WDR46: variants seen among roughly 807,000 people sequenced by gnomAD.
WDR46 encodes the protein WD repeat-containing protein 46.
A neutral mutation model predicts 74.7 loss-of-function variants in WDR46; 58 were observed. The observed-to-expected ratio is 0.78, with a 90% CI of 0.63 to 0.97. The LOEUF is 0.97. Ranked by LOEUF, WDR46 falls within the 50% of genes least tolerant of loss-of-function variation. The probability of loss-of-function intolerance (pLI) is 0.00; values close to 1 mark genes in which losing one functional copy is unlikely to be tolerated. For missense variants in WDR46, 702 were observed against 790.1 expected (o/e 0.89, Z 1.34); for synonymous variants, 278 against 297.3 (o/e 0.93, Z 0.67).
intron 10 of WDR46, among the ~76,000 whole-genome samples, chr6:33,282,293 A>T (rs1265674023): frequency 6.6e-6 from 1 of 152,242 alleles, no homozygotes; most frequent in Non-Finnish European, 1.5e-5. Context: ...AGAGAGGACC[A>T]GCTGGATACT....
intron 12 of WDR46, among the ~76,000 whole-genome samples, chr6:33,280,120 G>C (rs1766005978): frequency 6.7e-6 from 1 of 149,076 alleles, no homozygotes. Context: ...CCAGGAGAGG[G>C]AATTTCACCC....
Position 33,288,234 on chromosome 6 carries a change from A to C in WDR46, c.475T>G (p.Phe159Val). 6.2e-7 allele frequency: 1 copy of C among 1,614,120 alleles called. No individual in the cohort carries two copies. The highest frequency in any genetic ancestry group is 8.5e-7 in the Non-Finnish European group (1 of 1,180,012). ...SELLLAEEPG[F>V]LEGEDGEDTA... is the part of the protein sequence containing the mutation. ...TCTTCCCCATCCTCCCCTTCCAGAAACCTGAAAGCAAGGGTTAGGATGGCA... is the reference window on the plus strand; with the variant it reads ...TCTTCCCCATCCTCCCCTTCCAGAACCCTGAAAGCAAGGGTTAGGATGGCA... The change falls in exon 5 of 15, where the codon TTT becomes GTT. Residue 159 changes from phenylalanine (F) to valine (V), a missense_variant and splice_region_variant. Coordinates refer to ENST00000374617, the MANE Select transcript of WDR46 (RefSeq NM_005452.6).
chr6:33,286,496 C>A (rs1159986302), intron 10 of WDR46, among the ~76,000 whole-genome samples: 1 of 152,120 alleles, frequency 6.6e-6, no homozygotes, highest in Non-Finnish European at 1.5e-5. Flanking sequence ...TAAATGCCTA[C>A]ATGGTACCCT....
rs1562614853 is a variant in WDR46 at position 33,280,738 on chromosome 6, G to A, written c.1365C>T (p.Phe455=). The part of the protein sequence containing the change: ...RLSGPVHGLQ[F]CPFEDVLGVG... Reference sequence around the variant, plus strand: ...CCCCCAGCACATCTTCAAAGGGGCAGAACTGAAGGCCATGCACAGGGCCTG... The same window carrying A: ...CCCCCAGCACATCTTCAAAGGGGCAAAACTGAAGGCCATGCACAGGGCCTG... Residue 455 remains phenylalanine (F), a synonymous_variant, in exon 11 of 15, where the codon TTC becomes TTT. Coordinates refer to ENST00000374617, the MANE Select transcript of WDR46 (RefSeq NM_005452.6). 1 of 1,610,880 alleles carries A rather than the reference G, an allele frequency of 6.2e-7. No individual in the cohort carries two copies. The highest frequency in any genetic ancestry group is 1.1e-5 in the South Asian group (1 of 90,694).
In WDR46 at chr6:33,280,749, C is replaced by T. The variant is rs572889895; in HGVS notation, c.1354G>A (p.Gly452Ser). Residue 452 changes from glycine (G) to serine (S), a missense_variant, in exon 11 of 15, where the codon GGC becomes AGC. Gly to Ser is a moderately conservative substitution (Grantham distance 56, BLOSUM62 0). Coordinates refer to ENST00000374617, the MANE Select transcript of WDR46 (RefSeq NM_005452.6). The stretch of plus-strand genomic sequence containing the variant: ...TCTTCAAAGGGGCAGAACTGAAGGC[C>T]ATGCACAGGGCCTGAGAGCCGGTGG... ...LTHRLSGPVH[G>S]LQFCPFEDVL... 3 of 1,612,864 alleles carry T rather than the reference C, an allele frequency of 1.9e-6. No homozygotes were observed. The highest frequency in any genetic ancestry group is 1.7e-6 in the Non-Finnish European group (2 of 1,179,322).
intron 12 of WDR46, 88 bp from the exon 13 acceptor site, chr6:33,279,947 T>C (rs1325895534): frequency 7.7e-7 from 1 of 1,291,340 alleles, no homozygotes; most frequent in African/African-American, 1.5e-5. Flanking sequence ...GCTGAACCCC[T>C]CTACCCAAGA....
chr6:33,281,497 A>C (rs958096189), intron 10 of WDR46, among the ~76,000 whole-genome samples: 1 of 152,186 alleles, frequency 6.6e-6, no homozygotes, highest in African/African-American at 2.4e-5. Flanking sequence ...AAATGCATTA[A>C]CACCAGAGTG....
intron 14 of WDR46, 36 bp from the exon 15 acceptor site, chr6:33,279,410 G>C (rs1765917820): frequency 2.5e-6 from 4 of 1,612,116 alleles, no homozygotes; most frequent in Non-Finnish European, 8.5e-7. Context: ...CAGGCACAGA[G>C]TGAGAAGTGG....
chr6:33,281,003 G>T lies in WDR46; in HGVS notation c.1116-16C>A. 1 of 1,577,358 alleles carries T rather than the reference G, an allele frequency of 6.3e-7. No individual in the cohort carries two copies. Among genetic ancestry groups the T allele is most frequent in the Non-Finnish European group, 8.6e-7 (1 of 1,159,692 alleles). On this transcript the variant is annotated splice_polypyrimidine_tract_variant and intron_variant, in intron 10 of 14. Coordinates refer to ENST00000374617, the MANE Select transcript of WDR46 (RefSeq NM_005452.6). ...GGCCATGTACCTGGTGAGAGAAGAG[G>T]GATCAATTAATATGTCAGTAAATGG...
intron 11 of WDR46, 42 bp downstream of exon 11, chr6:33,280,632 C>G (rs930244220): frequency 6.3e-7 from 1 of 1,595,088 alleles, no homozygotes; most frequent in Non-Finnish European, 8.6e-7. Context: ...AACTTCCACC[C>G]AGAGTTCATT....
At chr6:33,281,738 CCT>C (rs1176252769) in intron 10 of WDR46, among the ~76,000 whole-genome samples, 1 of 152,206 alleles carries the variant, frequency 6.6e-6, no homozygotes, top group Admixed American at 6.5e-5. Context: ...TTGCCCTGCC[CCT>C]CTGTGTGCTT....
intron 11 of WDR46, 45 bp downstream of exon 11, chr6:33,280,629 A>G (rs1416308542): frequency 1.3e-6 from 2 of 1,594,384 alleles, no homozygotes; most frequent in Non-Finnish European, 1.7e-6. Context: ...CCAAACTTCC[A>G]CCCAGAGTTC....
rs1767002189 is a variant in WDR46, at chr6:33,288,999, G to A, written c.84C>T (p.Tyr28=). ...TGGTCGGAACGGTCTCTTCCTCCCA[G>A]TATCGCCGCGGTTTCTACAGGCACA... is the stretch of plus-strand genomic sequence containing the variant. ...LQTKRKKPRR[Y]WEEETVPTTA... The change falls in exon 2 of 15, where the codon TAC becomes TAT. Residue 28 remains tyrosine (Y), a synonymous_variant. Transcript: ENST00000374617. 6.2e-7 allele frequency: 1 copy of A among 1,613,914 alleles called. No homozygotes were observed. Among genetic ancestry groups the A allele is most frequent in the Non-Finnish European group, 8.5e-7 (1 of 1,180,014 alleles).
At chr6:33,281,297 G>T in intron 10 of WDR46, among the ~76,000 whole-genome samples, 1 of 152,248 alleles carries the variant, frequency 6.6e-6, no homozygotes, top group South Asian at 2.1e-4. Flanking sequence ...CAAGACACGG[G>T]CGTCAAAAGG....
chr6:33,285,694 T>G (rs913607189), intron 10 of WDR46, among the ~76,000 whole-genome samples: 1 of 152,054 alleles, frequency 6.6e-6, no homozygotes, highest in South Asian at 2.1e-4. Context: ...CGGCTAATTT[T>G]GTGAATTTTT....
Position 33,279,360 on chromosome 6 carries a change from C to G in WDR46, c.1749G>C (p.Gln583His). The change falls in exon 15 of 15, where the codon CAG becomes CAC. Residue 583 changes from glutamine to histidine, a missense_variant. Coordinates refer to ENST00000374617, the MANE Select transcript of WDR46 (RefSeq NM_005452.6). ...CCTTATGATGCTGCTGCTGAAGGCT[C>G]TGCCGGACCTTGTCCTGGGGACCGG... ...MDEEHRDKVR[Q>H]SLQQQHHKEA... 4 of 1,614,074 alleles carry G rather than the reference C, an allele frequency of 2.5e-6. No homozygotes were observed. Among genetic ancestry groups the G allele is most frequent in the Non-Finnish European group, 3.4e-6 (4 of 1,180,048 alleles).
At chr6:33,280,564 C>G in intron 11 of WDR46, 42 bp from the exon 12 acceptor site, 4 of 1,600,922 alleles carry the variant, frequency 2.5e-6, no homozygotes, top group Non-Finnish European at 3.4e-6. Flanking sequence ...TAAGGAAGAA[C>G]CTCAGTCCAA....
intron 12 of WDR46, among the ~76,000 whole-genome samples, 177 bp downstream of exon 12, chr6:33,280,251 A>G (rs758017206): frequency 6.9e-6 from 1 of 144,566 alleles, no homozygotes; most frequent in Non-Finnish European, 1.5e-5. Flanking sequence ...AGGAAACCTT[A>G]CCTTCTCCAG....
Position 33,287,722 on chromosome 6 carries a change from T to C in WDR46, c.624-4A>G, listed in dbSNP as rs773441642. ...GCGCCCTCCAAAAGCCAGGTGTCTG[T>C]TGGAGGTGAGGGGCAGGCAGGGTGT... On this transcript the variant is annotated splice_region_variant and splice_polypyrimidine_tract_variant and intron_variant, in intron 6 of 14. Transcript: ENST00000374617. 6.8e-6 allele frequency: 11 copies of C among 1,613,680 alleles called. No homozygotes were observed. Among genetic ancestry groups the C allele is most frequent in the Non-Finnish European group, 9.3e-6 (11 of 1,179,964 alleles).
Sources: gnomAD v4.1 joint callset for allele counts (sites outside exome capture counted in the v4.1 genomes callset) on GRCh38, gnomAD v4.1.1 for gene constraint, MANE v1.5 for transcripts, NCBI Gene and HGNC (gene_info 2026-07-23, HGNC 2026-07-21) for gene names.